Variants in KIF20B observed in about 807,000 individuals in gnomAD.
KIF20B encodes the protein kinesin family member 20B.
Under a neutral mutation model 232.5 loss-of-function variants are expected in KIF20B, and 188 were observed. The observed-to-expected ratio is 0.81, with a 90% CI of 0.72 to 0.91. The LOEUF is 0.91. Among genes scored for constraint, KIF20B ranks in the 40% least tolerant of loss-of-function variants. KIF20B has a pLI of 0.00. For synonymous variants in KIF20B, 712 were observed against 683.0 expected (o/e 1.04, Z -0.66); for missense variants, 2,154 against 2,055.9 (o/e 1.05, Z -0.92).
intron 6 of KIF20B, among the ~76,000 whole-genome samples, chr10:89,712,280 A>G (rs1423891442): frequency 6.6e-6 from 1 of 150,672 alleles, no homozygotes; most frequent in Non-Finnish European, 1.5e-5. Flanking sequence ...TAGAGACAGG[A>G]TCTTGCTTTG....
Position 89,709,359 on chromosome 10 carries a change from T to G in KIF20B, c.249T>G (p.Ile83Met). ...ATGTTTTCTAGGGCTGTGTGCATAT[T>G]CTGGATTCACAGACTGTTGTGCTGA... is the stretch of plus-strand genomic sequence containing the variant. Reference protein sequence around the residue: ...KELESEGCVHILDSQTVVLKE... With the variant: ...KELESEGCVHMLDSQTVVLKE... The change falls in exon 4 of 33, where the codon ATT becomes ATG. Residue 83 changes from isoleucine to methionine, a missense_variant. Transcript: ENST00000371728. 2.5e-6 allele frequency: 4 copies of G among 1,613,112 alleles called. No individual in the cohort carries two copies. The South Asian group carries it at 4.4e-5, about 18-fold the overall frequency.
rs1564658314 is a variant in KIF20B at position 89,714,037 on chromosome 10, T to C, written c.676-10T>C. ...GTTTTTTTAATTTTTTAAAACAATCTTTTTTTTAGGTTACTGTGCATAATG... is the reference window on the plus strand; with the variant it reads ...GTTTTTTTAATTTTTTAAAACAATCCTTTTTTTAGGTTACTGTGCATAATG... On this transcript the variant is annotated splice_polypyrimidine_tract_variant and intron_variant, in intron 6 of 32. Coordinates refer to ENST00000371728, the MANE Select transcript of KIF20B (RefSeq NM_001284259.2). 7.6e-7 allele frequency: 1 copy of C among 1,313,068 alleles called. No individual in the cohort carries two copies. The highest frequency in any genetic ancestry group is 1.0e-6 in the Non-Finnish European group (1 of 966,062). The allele number at this position is 1,313,068 out of a possible 1,614,324, so 81.3% of individuals were successfully genotyped here. A position where few individuals can be genotyped will look rare whatever the true frequency, so the allele number is the denominator to read the frequency against.
intron 20 of KIF20B, 139 bp downstream of exon 20, chr10:89,738,756 A>G (rs776020664): frequency 4.1e-5 from 50 of 1,229,654 alleles, no homozygotes; most frequent in Non-Finnish European, 5.2e-5. Flanking sequence ...AACTTTGTCC[A>G]TATAAACCTT....
chr10:89,727,644 T>A (rs1843219046), intron 16 of KIF20B, among the ~76,000 whole-genome samples: 1 of 152,206 alleles, frequency 6.6e-6, no homozygotes, highest in Admixed American at 6.5e-5. Context: ...ATCCTGAGTT[T>A]TAGAAGTGGC....
chr10:89,722,234 T>C (rs983042179), intron 13 of KIF20B, among the ~76,000 whole-genome samples: 1 of 152,218 alleles, frequency 6.6e-6, no homozygotes. Flanking sequence ...ATTAAAGGAT[T>C]GGGACTTTTA....
rs1843010835 is a variant in KIF20B at position 89,719,711 on chromosome 10, G to T, written c.1722+5G>T. ...ATTAGCCACGAGGAGAAAAGAGTAT[G>T]TATTAAGAACTCATACTTCTATGCT... On this transcript the variant is annotated splice_donor_5th_base_variant and intron_variant, in intron 13 of 32. Coordinates refer to ENST00000371728, the MANE Select transcript of KIF20B (RefSeq NM_001284259.2). 1 of 1,586,102 alleles carries T rather than the reference G, an allele frequency of 6.3e-7. No homozygotes were observed. Among genetic ancestry groups the T allele is most frequent in the African/African-American group, 1.4e-5 (1 of 73,292 alleles).
At chr10:89,705,202 G>T in intron 1 of KIF20B, 92 bp from the exon 2 acceptor site, 1 of 1,007,174 alleles carries the variant, frequency 9.9e-7, no homozygotes, top group Non-Finnish European at 1.5e-6. Flanking sequence ...CTAGTTATTT[G>T]GAGGGAAGTA....
chr10:89,738,420 C>T lies in KIF20B; in HGVS notation c.3579C>T (p.Ile1193=). The T allele has an allele frequency of 3.7e-6, 6 of 1,600,630 alleles. No individual in the cohort carries two copies. The highest frequency in any genetic ancestry group is 1.1e-5 in the South Asian group (1 of 87,010). ...LEQDILEKES[I]ILKLERNLKE... ...AAGACATTTTGGAAAAGGAATCTAT[C>T]ATCTTAAAGCTAGAAAGAAATTTGA... The change falls in exon 20 of 33, where the codon ATC becomes ATT. Residue 1193 remains isoleucine (I), a synonymous_variant. Transcript: ENST00000371728.
chr10:89,749,837 T>C (rs1841989519), intron 23 of KIF20B, among the ~76,000 whole-genome samples: 1 of 152,220 alleles, frequency 6.6e-6, no homozygotes, highest in South Asian at 2.1e-4. Context: ...AACATTTATA[T>C]GCAAGTTTTT....
intron 32 of KIF20B, 43 bp downstream of exon 32, chr10:89,772,874 G>A (rs777960394): frequency 2.7e-6 from 4 of 1,507,422 alleles, no homozygotes; most frequent in East Asian, 4.7e-5. Context: ...AACTGTTCGT[G>A]TTCTTTTTAA....
intron 23 of KIF20B, among the ~76,000 whole-genome samples, chr10:89,746,997 CAATG>C (rs1589873212): frequency 6.6e-6 from 1 of 152,132 alleles, no homozygotes; most frequent in Non-Finnish European, 1.5e-5. Flanking sequence ...ATGTAGGTCA[CAATG>C]AATGGCATAG....
chr10:89,719,182 A>G (rs1842996440), intron 12 of KIF20B, among the ~76,000 whole-genome samples: 1 of 152,180 alleles, frequency 6.6e-6, no homozygotes, highest in Non-Finnish European at 1.5e-5. Context: ...CTCTGCTAAG[A>G]TTAATACTGA....
chr10:89,757,832 C>CTT (rs1181119003), intron 26 of KIF20B, among the ~76,000 whole-genome samples: 1 of 143,034 alleles, frequency 7.0e-6, no homozygotes, highest in Admixed American at 7.0e-5. Flanking sequence ...GGTTGGGGTT[C>CTT]TTTTTTTTTT....
At chr10:89,710,704 A>G (rs112530970) in intron 5 of KIF20B, among the ~76,000 whole-genome samples, 1 of 152,342 alleles carries the variant, frequency 6.6e-6, no homozygotes, top group African/African-American at 2.4e-5. Context: ...GTTTGTGATT[A>G]TGGGTGGTTA....
intron 22 of KIF20B, among the ~76,000 whole-genome samples, chr10:89,744,457 G>C (rs1841870365): frequency 6.6e-6 from 1 of 152,148 alleles, no homozygotes; most frequent in South Asian, 2.1e-4. Flanking sequence ...ATTAATAGTA[G>C]TATACCAATG....
At position 89,758,760 on chromosome 10, in the gene KIF20B, G is replaced by C. The variant is rs377664920; in HGVS notation, c.4558G>C (p.Glu1520Gln). The C allele has an allele frequency of 7.5e-6, 12 of 1,607,830 alleles. No homozygotes were observed. The highest frequency in any genetic ancestry group is 9.3e-6 in the Non-Finnish European group (11 of 1,177,180). The change falls in exon 27 of 33, where the codon GAA (glutamate) becomes CAA (glutamine). Residue 1520 changes from glutamate (E) to glutamine (Q), a missense_variant. Transcript: ENST00000371728. ...AGATAGTGACCTTCAAAAGTGGCGA[G>C]AAGAACGAGATCAACTGGTTGCAGC... Reference protein sequence around the residue: ...EKDSDLQKWREERDQLVAALE... With the variant: ...EKDSDLQKWRQERDQLVAALE...
At chr10:89,732,540 A>T (rs1182900221) in intron 18 of KIF20B, among the ~76,000 whole-genome samples, 1 of 152,056 alleles carries the variant, frequency 6.6e-6, no homozygotes. Flanking sequence ...ATATATATCG[A>T]CTTAAAGCTA....
At chr10:89,749,111 A>G (rs1841976533) in intron 23 of KIF20B, among the ~76,000 whole-genome samples, 1 of 152,132 alleles carries the variant, frequency 6.6e-6, no homozygotes, top group African/African-American at 2.4e-5. Flanking sequence ...TGTACTAGTT[A>G]CCACTTTTCT....
intron 21 of KIF20B, among the ~76,000 whole-genome samples, chr10:89,739,687 G>T (rs1841751184): frequency 1.4e-5 from 2 of 146,018 alleles, no homozygotes; most frequent in Admixed American, 6.8e-5. Flanking sequence ...AAACTTTGAG[G>T]TAGTTACCAA....
Sources: allele counts gnomAD v4.1 joint callset (sites outside exome capture counted in the v4.1 genomes callset), GRCh38; gene constraint gnomAD v4.1.1; transcripts MANE v1.5; gene names NCBI Gene and HGNC (gene_info 2026-07-23, HGNC 2026-07-21).